The following AUTS2 variants were observed in gnomAD, a reference collection of about 807,000 sequenced individuals.
AUTS2 encodes autism susceptibility gene 2 protein.
A neutral mutation model predicts 112.4 loss-of-function variants in AUTS2; 17 were observed. That is an observed-to-expected ratio of 0.15 (90% CI 0.10 to 0.23). The LOEUF (loss-of-function observed/expected upper bound fraction) is 0.23. Ranked by LOEUF, AUTS2 falls within the 10% of genes least tolerant of loss-of-function variation. The pLI is 1.00. For synonymous variants in AUTS2, 751 were observed against 702.7 expected, an observed-to-expected ratio of 1.07 and a Z score of -1.09; for missense variants, 1,510 against 1,701.6, an observed-to-expected ratio of 0.89 and a Z score of 1.98.
chr7:69,658,195 A>T (rs913097173), intron 1 of AUTS2, among the ~76,000 whole-genome samples: 1 of 152,252 alleles, frequency 6.6e-6, no homozygotes, highest in Non-Finnish European at 1.5e-5. Context: ...GAGTAGTTGC[A>T]GCAGAAACCA....
intron 4 of AUTS2, among the ~76,000 whole-genome samples, chr7:70,422,334 G>A (rs1795258211): frequency 6.6e-6 from 1 of 152,172 alleles, no homozygotes; most frequent in African/African-American, 2.4e-5. Flanking sequence ...AATTCCAGTT[G>A]CTCTAGTTGG....
chr7:70,708,996 C>T (rs1282451383), intron 6 of AUTS2, among the ~76,000 whole-genome samples: 3 of 150,920 alleles, frequency 2.0e-5, no homozygotes, highest in African/African-American at 7.3e-5. Context: ...CGGCTCACTG[C>T]AACCTCTGCC....
intron 2 of AUTS2, among the ~76,000 whole-genome samples, chr7:70,028,978 C>G (rs1268418037): frequency 2.6e-5 from 4 of 152,136 alleles, no homozygotes; most frequent in African/African-American, 9.7e-5. Context: ...GAGTAATACT[C>G]CTCAAAGGCT....
Position 70,631,275 on chromosome 7 carries a change from G to C in AUTS2, c.691-67294G>C, listed in dbSNP as rs1021883543. Among the ~76,000 whole-genome samples, 117 of 152,332 alleles carry C rather than the reference G, an allele frequency of 7.7e-4. No homozygotes were observed. Among genetic ancestry groups the C allele is most frequent in the African/African-American group, 2.6e-3 (109 of 41,582 alleles). On this transcript the variant is annotated intron_variant, in intron 5 of 18. Coordinates refer to ENST00000342771, the MANE Select transcript of AUTS2 (RefSeq NM_015570.4). This position sits in a 1 kb window ranked among gnomAD's most constrained non-coding sequence, Gnocchi z 4.5. ...GTTAATACTTTACAGCAGGGCTGGG[G>C]CCCGGCTTGCTGCGGGCTGGCCGGG...
At chr7:70,465,675 A>T in intron 5 of AUTS2, among the ~76,000 whole-genome samples, 1 of 152,146 alleles carries the variant, frequency 6.6e-6, no homozygotes, top group Non-Finnish European at 1.5e-5. Flanking sequence ...GGTCATCAGG[A>T]TTACCACAAA....
chr7:70,629,093 G>A (rs1805118987), intron 5 of AUTS2, among the ~76,000 whole-genome samples: 1 of 152,160 alleles, frequency 6.6e-6, no homozygotes, highest in African/African-American at 2.4e-5. Flanking sequence ...GTCTGCAGAT[G>A]CCACTTGGAG....
intron 4 of AUTS2, among the ~76,000 whole-genome samples, chr7:70,174,469 G>A (rs1020675434): frequency 5.3e-5 from 8 of 152,286 alleles, no homozygotes; most frequent in Non-Finnish European, 1.2e-4. Context: ...TGATAAAGGT[G>A]GCCACGTTGA....
chr7:70,785,977 A>C lies in AUTS2; in HGVS notation c.2247A>C (p.Thr749=). Residue 749 remains threonine (T), a synonymous_variant, in exon 17 of 19, where the codon ACA becomes ACC. Transcript: ENST00000342771. ...AHLEPFNRPS[T]FTGLAAVGGN... ...CAGAGCCTTTTAATCGGCCGTCTAC[A>C]TTCACAGGCCTAGCAGCAGTTGGTG... 1.2e-6 allele frequency: 2 copies of C among 1,614,078 alleles called. No individual in the cohort carries two copies. The highest frequency in any genetic ancestry group is 1.7e-6 in the Non-Finnish European group (2 of 1,179,990).
At chr7:70,534,654 G>A (rs976368489) in intron 5 of AUTS2, among the ~76,000 whole-genome samples, 7 of 152,192 alleles carry the variant, frequency 4.6e-5, no homozygotes, top group Non-Finnish European at 8.8e-5. Flanking sequence ...TTGAACTCCT[G>A]ACCTCAGGTG....
chr7:70,509,988 A>G (rs998717466), intron 5 of AUTS2, among the ~76,000 whole-genome samples: 3 of 152,148 alleles, frequency 2.0e-5, no homozygotes, highest in Non-Finnish European at 4.4e-5. Context: ...TGCATCCTAC[A>G]TCCCTAGAGT....
intron 5 of AUTS2, among the ~76,000 whole-genome samples, chr7:70,546,404 A>G (rs1248673743): frequency 6.6e-6 from 1 of 151,976 alleles, no homozygotes; most frequent in African/African-American, 2.4e-5. Context: ...AGATTGCACC[A>G]CTGCACTCCA....
chr7:69,820,033 T>G (rs1327961210), intron 1 of AUTS2, among the ~76,000 whole-genome samples: 1 of 152,222 alleles, frequency 6.6e-6, no homozygotes, highest in African/African-American at 2.4e-5. Context: ...ATGAGGTTAA[T>G]TGCTGCTGCA....
chr7:70,133,932 C>T (rs941328550), intron 3 of AUTS2, among the ~76,000 whole-genome samples: 1 of 152,164 alleles, frequency 6.6e-6, no homozygotes, highest in Non-Finnish European at 1.5e-5. Flanking sequence ...GTGCTTTTCA[C>T]TGCTCCTCTT....
At chr7:70,140,533 C>T (rs1470682876) in intron 4 of AUTS2, among the ~76,000 whole-genome samples, 1 of 152,180 alleles carries the variant, frequency 6.6e-6, no homozygotes, top group African/African-American at 2.4e-5. Context: ...GCAGAAGAAA[C>T]TGTCTTCTTC....
chr7:70,179,470 C>G (rs1347348277), intron 4 of AUTS2, among the ~76,000 whole-genome samples: 1 of 152,146 alleles, frequency 6.6e-6, no homozygotes, highest in Non-Finnish European at 1.5e-5. Context: ...GTGTCACCTG[C>G]TAACTTGGCA....
chr7:70,326,283 G>A (rs551793903), intron 4 of AUTS2, among the ~76,000 whole-genome samples: 1 of 152,200 alleles, frequency 6.6e-6, no homozygotes, highest in South Asian at 2.1e-4. Flanking sequence ...TGTCTCCTAG[G>A]GGCCTGATTG....
At chr7:70,068,302 T>G (rs1802590327) in intron 2 of AUTS2, among the ~76,000 whole-genome samples, 1 of 151,442 alleles carries the variant, frequency 6.6e-6, no homozygotes, top group African/African-American at 2.4e-5. Flanking sequence ...CTCAGCCTCC[T>G]GAGTAGCTGA....
At chr7:69,724,081 G>T (rs1033228041) in intron 1 of AUTS2, among the ~76,000 whole-genome samples, 4 of 152,144 alleles carry the variant, frequency 2.6e-5, no homozygotes, top group African/African-American at 9.7e-5. Flanking sequence ...AAGGAAATGT[G>T]TTAATGTGGG....
At chr7:70,179,254 C>T (rs1325515811) in intron 4 of AUTS2, among the ~76,000 whole-genome samples, 1 of 152,156 alleles carries the variant, frequency 6.6e-6, no homozygotes, top group African/African-American at 2.4e-5. Flanking sequence ...ACAGACACGT[C>T]TTTTGAGTCC....
Sources: allele counts gnomAD v4.1 joint callset (sites outside exome capture counted in the v4.1 genomes callset), GRCh38; gene constraint gnomAD v4.1.1; non-coding constraint Gnocchi (gnomAD v3.1); transcripts MANE v1.5; gene names NCBI Gene and HGNC (gene_info 2026-07-23, HGNC 2026-07-21).